ROBO2: variants seen among roughly 807,000 people sequenced by gnomAD.
ROBO2 encodes roundabout guidance receptor 2.
Under a neutral mutation model 160.8 loss-of-function variants are expected in ROBO2, and 53 were observed. The observed-to-expected ratio is 0.33, with a 90% CI of 0.26 to 0.41. ROBO2 has a LOEUF of 0.41. ROBO2 is among the 10% of genes least tolerant of loss of function. The pLI is 1.00. For missense variants in ROBO2, 1,577 were observed against 1,722.4 expected (o/e 0.92, Z 1.49); for synonymous variants, 664 against 611.7 (o/e 1.09, Z -1.26).
At chr3:77,454,886 G>C (rs1246427909) in intron 2 of ROBO2, among the ~76,000 whole-genome samples, 5 of 152,132 alleles carry the variant, frequency 3.3e-5, no homozygotes, top group African/African-American at 9.7e-5. Context: ...GAAGATCATG[G>C]TTGAGTTAGC....
At chr3:77,333,521 A>G (rs1329355900) in intron 2 of ROBO2, among the ~76,000 whole-genome samples, 1 of 152,196 alleles carries the variant, frequency 6.6e-6, no homozygotes, top group Admixed American at 6.5e-5. Flanking sequence ...TTTAATGCAT[A>G]TGTTTATGTA....
intron 22 of ROBO2, 88 bp from the exon 24 acceptor site, chr3:77,622,139 G>T (rs2094914597): frequency 6.0e-6 from 7 of 1,166,670 alleles, no homozygotes; most frequent in Non-Finnish European, 8.8e-6. Context: ...GACAGTATGA[G>T]TTACTATAGC....
intron 2 of ROBO2, among the ~76,000 whole-genome samples, chr3:77,405,344 A>C (rs1472064968): frequency 5.9e-5 from 9 of 152,172 alleles, no homozygotes; most frequent in African/African-American, 2.2e-4. Flanking sequence ...AGTATTTTAG[A>C]GCTTTCTTTG....
rs769742304 is a variant in ROBO2 at position 77,625,316 on chromosome 3, GTAA to G, written c.3760+2899_3760+2901del. On this transcript the variant is annotated intron_variant, in intron 23 of 25. Coordinates refer to ENST00000461745, the Ensembl canonical transcript of ROBO2. The stretch of plus-strand genomic sequence containing the variant: ...TCACTTGGCTAAAAATTTAGATTCA[GTAA>G]TAATAATAATAATAGGTAACACATA... 1.1e-4 allele frequency among the ~76,000 whole-genome samples: 17 copies of G among 151,284 alleles called. No individual in the cohort carries two copies. The East Asian group carries it at 2.1e-3, about 19-fold the overall frequency.
At chr3:76,702,138 A>AT (rs546304386) in intron 2 of ROBO2, among the ~76,000 whole-genome samples, 5 of 151,898 alleles carry the variant, frequency 3.3e-5, no homozygotes, top group East Asian at 1.9e-4. Flanking sequence ...TAGCTCTTTA[A>AT]TTTTTTTTAT....
chr3:77,515,294 T>A (rs2153620563), intron 5 of ROBO2, among the ~76,000 whole-genome samples: 1 of 151,764 alleles, frequency 6.6e-6, no homozygotes, highest in African/African-American at 2.4e-5. Flanking sequence ...GGAGGAACAG[T>A]AGTGTCTGCA....
chr3:75,927,287 A>C (rs1169322677), intron 1 of ROBO2, among the ~76,000 whole-genome samples: 7 of 152,332 alleles, frequency 4.6e-5, no homozygotes, highest in African/African-American at 1.4e-4. Flanking sequence ...ATTTCTCTGC[A>C]TTCTTGAAGT....
exon 26 of ROBO2, chr3:77,649,705 A>T (rs1417153813): frequency 1.3e-5 from 2 of 152,180 alleles, no homozygotes; most frequent in Non-Finnish European, 2.9e-5. Flanking sequence ...ATAATTTAAA[A>T]AGCATTTGTT....
At chr3:76,721,531 C>A (rs2093466934) in intron 2 of ROBO2, among the ~76,000 whole-genome samples, 1 of 151,772 alleles carries the variant, frequency 6.6e-6, no homozygotes, top group African/African-American at 2.4e-5. Flanking sequence ...ATTATTTACT[C>A]ATTTATTTCA....
At chr3:75,912,523 T>G (rs866370289) in intron 1 of ROBO2, among the ~76,000 whole-genome samples, 1 of 152,212 alleles carries the variant, frequency 6.6e-6, no homozygotes, top group Non-Finnish European at 1.5e-5. Context: ...GTGGTATTCT[T>G]GAGAAGTAAT....
At chr3:76,953,808 G>A (rs1172531343) in intron 2 of ROBO2, among the ~76,000 whole-genome samples, 2 of 151,494 alleles carry the variant, frequency 1.3e-5, no homozygotes, top group Admixed American at 6.6e-5. Flanking sequence ...AAGACCATAT[G>A]TTCCTTTTTA....
intron 2 of ROBO2, among the ~76,000 whole-genome samples, chr3:76,468,899 T>C (rs2106983196): frequency 6.6e-6 from 1 of 152,224 alleles, no homozygotes; most frequent in East Asian, 1.9e-4. Context: ...TTTCTCTCTT[T>C]AGCCACATTC....
At chr3:76,913,802 C>T (rs945438694) in intron 2 of ROBO2, among the ~76,000 whole-genome samples, 10 of 151,996 alleles carry the variant, frequency 6.6e-5, no homozygotes, top group Admixed American at 6.6e-4. Flanking sequence ...AGTAATACTC[C>T]TTTAGAGGAG....
intron 2 of ROBO2, among the ~76,000 whole-genome samples, chr3:77,452,343 A>G (rs999838601): frequency 2.6e-5 from 4 of 152,290 alleles, no homozygotes; most frequent in Middle Eastern, 3.4e-3. Context: ...TTTGGAATTG[A>G]CTGAATTGTG....
chr3:76,938,101 T>G (rs912229435), intron 2 of ROBO2, among the ~76,000 whole-genome samples: 3 of 152,168 alleles, frequency 2.0e-5, no homozygotes, highest in Admixed American at 1.3e-4. Flanking sequence ...TTTCTTTCTA[T>G]AAGGCTGGTT....
intron 2 of ROBO2, among the ~76,000 whole-genome samples, chr3:77,401,894 G>A (rs537137558): frequency 2.0e-5 from 3 of 152,268 alleles, no homozygotes; most frequent in Admixed American, 6.5e-5. Context: ...AAGTGTAAAA[G>A]CATTCCTGTT....
At chr3:76,913,133 G>A (rs779864445) in intron 2 of ROBO2, among the ~76,000 whole-genome samples, 5 of 152,152 alleles carry the variant, frequency 3.3e-5, no homozygotes, top group Non-Finnish European at 7.4e-5. Context: ...AGGAAAAGGC[G>A]AAGCATGATG....
intron 2 of ROBO2, among the ~76,000 whole-genome samples, chr3:76,954,038 C>T (rs1174304607): frequency 2.0e-5 from 3 of 152,106 alleles, no homozygotes; most frequent in Non-Finnish European, 2.9e-5. Flanking sequence ...TACAACGAAA[C>T]GAGAGAAAAT....
intron 2 of ROBO2, among the ~76,000 whole-genome samples, chr3:76,473,619 G>C (rs150374744): frequency 0.017 from 2,583 of 152,184 alleles, 40 homozygotes; most frequent in Non-Finnish European, 0.026. Flanking sequence ...ATCTGGTGAG[G>C]CGATCATATA....
Sources: gnomAD v4.1 joint callset for allele counts (sites outside exome capture counted in the v4.1 genomes callset) on GRCh38, gnomAD v4.1.1 for gene constraint, MANE v1.5 for transcripts, NCBI Gene and HGNC (gene_info 2026-07-23, HGNC 2026-07-21) for gene names.